HTT: variants seen among roughly 807,000 people sequenced by gnomAD.
HTT encodes the protein huntington disease protein.
A neutral mutation model predicts 362.3 loss-of-function variants in HTT; 104 were observed. The observed-to-expected ratio is 0.29, with a 90% CI of 0.24 to 0.34. The LOEUF (loss-of-function observed/expected upper bound fraction) is 0.34. Ranked by LOEUF, HTT falls within the 10% of genes least tolerant of loss-of-function variation. The pLI is 1.00. For missense variants in HTT, 3,301 were observed against 3,928.6 expected, an observed-to-expected ratio of 0.84 and a Z score of 4.27; for synonymous variants, 1,577 against 1,548.7, an observed-to-expected ratio of 1.02 and a Z score of -0.43.
intron 6 of HTT, among the ~76,000 whole-genome samples, chr4:3,111,869 C>CAGAT (rs1578507603): frequency 6.6e-6 from 1 of 152,178 alleles, no homozygotes; most frequent in African/African-American, 2.4e-5. Context: ...CCTCCACTTT[C>CAGAT]AGATGTATGT....
Position 3,238,585 on chromosome 4 carries a change from G to C in HTT, c.9030G>C (p.Gln3010His). Residue 3010 changes from glutamine to histidine, a missense_variant, in exon 65 of 67, where the codon CAG (glutamine) becomes CAC (histidine). Gln to His is a conservative substitution (Grantham distance 24, BLOSUM62 0). Transcript: ENST00000355072. ...EFLSNQQPYP[Q>H]FMATVVYKVF... is the part of the protein sequence containing the mutation. The stretch of plus-strand genomic sequence containing the variant: ...TGTCCAACCAGCAGCCATACCCCCA[G>C]TTCATGGCCACCGTGGTGTATAAGG... 2 of 1,611,580 alleles carry C rather than the reference G, an allele frequency of 1.2e-6. No individual in the cohort carries two copies. The highest frequency in any genetic ancestry group is 1.1e-5 in the South Asian group (1 of 90,304).
intron 11 of HTT, 70 bp downstream of exon 11, chr4:3,125,699 C>A: frequency 8.9e-7 from 1 of 1,128,664 alleles, no homozygotes; most frequent in Non-Finnish European, 1.4e-6. Flanking sequence ...CCTTCCTGCT[C>A]GTCCCCCTGC....
chr4:3,088,943 G>A (rs995464139), intron 2 of HTT, among the ~76,000 whole-genome samples: 1 of 152,044 alleles, frequency 6.6e-6, no homozygotes, highest in South Asian at 2.1e-4. Flanking sequence ...CATATGTCCT[G>A]AAAATAAAAA....
chr4:3,099,543 G>T lies in HTT; in HGVS notation c.468+149G>T. 1.1e-5 allele frequency: 12 copies of T among 1,097,950 alleles called. No homozygotes were observed. In the South Asian group the frequency reaches 1.6e-4, roughly 14 times the overall value. The allele number at this position is 1,097,950 out of a possible 1,614,324, so 68.0% of individuals were successfully genotyped here. A position where few individuals can be genotyped will look rare whatever the true frequency, so the allele number is the denominator to read the frequency against. On this transcript the variant is annotated intron_variant, in intron 3 of 66. Transcript: ENST00000355072. ...ATGTATGGTTTGGAGGTGCTCTGTT[G>T]TATGGTTTGGAGGTGCTCTGTTGTA...
intron 59 of HTT, 64 bp from the exon 60 acceptor site, chr4:3,229,823 A>T (rs1454502023): frequency 6.5e-7 from 1 of 1,547,636 alleles, no homozygotes; most frequent in South Asian, 1.1e-5. Context: ...AGCGTTCTGG[A>T]TGCGTTGCCT....
At chr4:3,092,305 C>T (rs890255657) in intron 2 of HTT, among the ~76,000 whole-genome samples, 5 of 152,150 alleles carry the variant, frequency 3.3e-5, no homozygotes, top group Non-Finnish European at 7.3e-5. Context: ...CAGGTGTGAG[C>T]CACTGCGCCT....
At chr4:3,207,386 T>G in intron 45 of HTT, 29 bp downstream of exon 45, 1 of 1,545,280 alleles carries the variant, frequency 6.5e-7, no homozygotes, top group Non-Finnish European at 8.9e-7. Context: ...GTCGTCCTTG[T>G]GTTAGGACAA....
At chr4:3,216,979 C>T (rs61790486) in intron 51 of HTT, among the ~76,000 whole-genome samples, 1 of 151,070 alleles carries the variant, frequency 6.6e-6, no homozygotes, top group Non-Finnish European at 1.5e-5. Flanking sequence ...GAGCCGAGAT[C>T]CCGCCACTGC....
chr4:3,149,174 G>A (rs1716754119), intron 26 of HTT, among the ~76,000 whole-genome samples: 1 of 152,106 alleles, frequency 6.6e-6, no homozygotes, highest in South Asian at 2.1e-4. Flanking sequence ...GCATTTCCAT[G>A]GTTGTAGAAT....
At chr4:3,178,153 G>T in intron 34 of HTT, 145 bp from the exon 35 acceptor site, 2 of 643,260 alleles carry the variant, frequency 3.1e-6, no homozygotes, top group South Asian at 3.9e-5. Flanking sequence ...ACTGTGGCAG[G>T]GGTGGGGTTA....
Position 3,100,770 on chromosome 4 carries a change from C to T in HTT, c.468+1376C>T, listed in dbSNP as rs183935541. 3.3e-5 allele frequency among the ~76,000 whole-genome samples: 5 copies of T among 152,320 alleles called. No homozygotes were observed. In the East Asian group the frequency reaches 9.6e-4, roughly 29 times the overall value. ...ATGAGACAGGGTCTCGCTCAGTCAC[C>T]CAGGCTGGAGTGCAGTGGCTGATCA... On this transcript the variant is annotated intron_variant, in intron 3 of 66. Transcript: ENST00000355072.
At chr4:3,203,684 A>C (rs557757437) in intron 41 of HTT, among the ~76,000 whole-genome samples, 4 of 152,236 alleles carry the variant, frequency 2.6e-5, no homozygotes, top group African/African-American at 9.6e-5. Context: ...GCAATTGCTC[A>C]ATTATCAAAC....
chr4:3,147,313 C>T (rs145600850), intron 25 of HTT, among the ~76,000 whole-genome samples: 12 of 152,208 alleles, frequency 7.9e-5, no homozygotes, highest in Admixed American at 2.0e-4. Flanking sequence ...GGGGGATACA[C>T]GTAAACAAAA....
At chr4:3,229,210 C>A (rs534724763) in intron 59 of HTT, among the ~76,000 whole-genome samples, 4 of 149,812 alleles carry the variant, frequency 2.7e-5, no homozygotes, top group Non-Finnish European at 5.9e-5. Flanking sequence ...ATGCACCATA[C>A]ACACAACACA....
At chr4:3,179,580 G>A (rs1718399887) in intron 35 of HTT, among the ~76,000 whole-genome samples, 1 of 151,530 alleles carries the variant, frequency 6.6e-6, no homozygotes, top group African/African-American at 2.4e-5. Context: ...GGGTCAGAGG[G>A]TGCCTCGCGT....
At chr4:3,121,692 TAC>T in intron 9 of HTT, 3 of 94,396 alleles carry the variant, frequency 3.2e-5, no homozygotes, top group Non-Finnish European at 5.9e-5. Context: ...ACCCTGTCTC[TAC>T]AAAAAAAAAA....
chr4:3,190,369 A>G (rs1180772478), intron 40 of HTT, among the ~76,000 whole-genome samples: 1 of 151,204 alleles, frequency 6.6e-6, no homozygotes, highest in African/African-American at 2.4e-5. Context: ...AAAAAAAAAA[A>G]GTAAACCTGA....
intron 29 of HTT, among the ~76,000 whole-genome samples, chr4:3,168,711 A>G (rs946719532): frequency 4.6e-5 from 7 of 152,080 alleles, no homozygotes; most frequent in Non-Finnish European, 7.4e-5. Context: ...AACTGTCTCT[A>G]CAAAAAGAAA....
intron 1 of HTT, among the ~76,000 whole-genome samples, chr4:3,079,379 C>T (rs1387225022): frequency 6.6e-6 from 1 of 151,836 alleles, no homozygotes; most frequent in Non-Finnish European, 1.5e-5. Flanking sequence ...ACCTCAACCT[C>T]ACAATGTGTT....
Sources: allele counts gnomAD v4.1 joint callset (sites outside exome capture counted in the v4.1 genomes callset), GRCh38; gene constraint gnomAD v4.1.1; transcripts MANE v1.5; gene names NCBI Gene and HGNC (gene_info 2026-07-23, HGNC 2026-07-21).